The following FAM227B variants were observed in gnomAD, a reference collection of about 807,000 sequenced individuals.
FAM227B encodes protein FAM227B.
Under a neutral mutation model 73.8 loss-of-function variants are expected in FAM227B, and 88 were observed. The observed-to-expected ratio is 1.19, with a 90% CI of 1.00 to 1.42. FAM227B has a LOEUF of 1.42. FAM227B is among the 40% of genes most tolerant of loss of function. FAM227B has a pLI of 0.00. For missense variants in FAM227B, 632 were observed against 590.9 expected, an observed-to-expected ratio of 1.07 and a Z score of -0.72; for synonymous variants, 210 against 190.5, an observed-to-expected ratio of 1.10 and a Z score of -0.84.
rs1317828111 is a variant in FAM227B at position 49,588,609 on chromosome 15, C to G, written c.338-526G>C. On this transcript the variant is annotated intron_variant, in intron 4 of 15. Transcript: ENST00000299338. ...TATATATATATATATATAAAATTACCTTTTTTAAAAAACAGAAGGAAGATA... is the reference window on the plus strand; with the variant it reads ...TATATATATATATATATAAAATTACGTTTTTTAAAAAACAGAAGGAAGATA... 5.0e-5 allele frequency among the ~76,000 whole-genome samples: 4 copies of G among 79,506 alleles called. No homozygotes were observed. The East Asian group carries it at 1.2e-3, about 24-fold the overall frequency. 52.2% of individuals were successfully genotyped at this position (79,506 alleles called of 152,430 possible).
chr15:49,356,902 A>C (rs910998294), intron 13 of FAM227B, among the ~76,000 whole-genome samples: 1 of 142,420 alleles, frequency 7.0e-6, no homozygotes, highest in Non-Finnish European at 1.5e-5. Context: ...CCACAGTGCA[A>C]TCAAACTAGA....
intron 11 of FAM227B, among the ~76,000 whole-genome samples, chr15:49,505,727 G>A (rs1334263050): frequency 1.3e-5 from 2 of 151,702 alleles, no homozygotes; most frequent in East Asian, 3.8e-4. Context: ...AGAAGACAGG[G>A]AAAACAAAGA....
At chr15:49,547,450 G>T (rs2072092741) in intron 9 of FAM227B, among the ~76,000 whole-genome samples, 1 of 152,040 alleles carries the variant, frequency 6.6e-6, no homozygotes, top group South Asian at 2.1e-4. Flanking sequence ...AAATGTAAAT[G>T]GGCTAAATGC....
intron 11 of FAM227B, among the ~76,000 whole-genome samples, chr15:49,469,368 AC>A (rs1191039398): frequency 2.6e-5 from 4 of 152,112 alleles, no homozygotes; most frequent in Admixed American, 2.0e-4. Context: ...TTCTATTTCT[AC>A]TTGAAGGATA....
intron 11 of FAM227B, among the ~76,000 whole-genome samples, chr15:49,480,877 G>A (rs1011090165): frequency 6.6e-6 from 1 of 152,130 alleles, no homozygotes; most frequent in Non-Finnish European, 1.5e-5. Flanking sequence ...TGAACTTATT[G>A]TCATGACTGG....
At chr15:49,396,849 A>C (rs1385938977) in intron 11 of FAM227B, among the ~76,000 whole-genome samples, 2 of 152,034 alleles carry the variant, frequency 1.3e-5, no homozygotes, top group South Asian at 2.1e-4. Flanking sequence ...CCATCTGTAC[A>C]TCACCATTAT....
At chr15:49,383,912 C>T (rs935218043) in intron 11 of FAM227B, among the ~76,000 whole-genome samples, 8 of 152,066 alleles carry the variant, frequency 5.3e-5, no homozygotes, top group East Asian at 1.9e-4. Flanking sequence ...CATTCTCCCC[C>T]CAAATACAGG....
chr15:49,526,463 C>T (rs1396673781), intron 10 of FAM227B, among the ~76,000 whole-genome samples: 1 of 151,992 alleles, frequency 6.6e-6, no homozygotes, highest in African/African-American at 2.4e-5. Flanking sequence ...CTCAAATTAA[C>T]AACCTAACAT....
At chr15:49,351,895 T>C (rs1397286169) in intron 13 of FAM227B, among the ~76,000 whole-genome samples, 1 of 152,220 alleles carries the variant, frequency 6.6e-6, no homozygotes, top group African/African-American at 2.4e-5. Context: ...TGTCTATTGC[T>C]ATATAACAAA....
At chr15:49,601,282 G>A (rs1362921240) in intron 3 of FAM227B, among the ~76,000 whole-genome samples, 2 of 150,718 alleles carry the variant, frequency 1.3e-5, no homozygotes, top group Non-Finnish European at 3.0e-5. Context: ...TTTATCTCTT[G>A]TGTATGTACA....
chr15:49,512,547 G>A lies in FAM227B; in HGVS notation c.875-4199C>T, dbSNP rs550490218. Among the ~76,000 whole-genome samples the A allele has an allele frequency of 5.3e-5, 8 of 152,082 alleles. No homozygotes were observed. In the East Asian group the frequency reaches 5.8e-4, roughly 11 times the overall value. ...GTTCTTAGATTCATACGAATTCTTCGATAAGGTGCCTATTCAAATATTTAT... is the reference window on the plus strand; with the variant it reads ...GTTCTTAGATTCATACGAATTCTTCAATAAGGTGCCTATTCAAATATTTAT... On this transcript the variant is annotated intron_variant, in intron 10 of 15. Coordinates refer to ENST00000299338, the MANE Select transcript of FAM227B (RefSeq NM_152647.3).
intron 9 of FAM227B, among the ~76,000 whole-genome samples, chr15:49,557,146 T>A (rs1007132784): frequency 4.6e-5 from 7 of 152,314 alleles, no homozygotes; most frequent in African/African-American, 1.7e-4. Flanking sequence ...AGTGCACAAG[T>A]CTTCCCAGTG....
chr15:49,373,861 A>G (rs1277006402), intron 11 of FAM227B, among the ~76,000 whole-genome samples: 1 of 152,180 alleles, frequency 6.6e-6, no homozygotes, highest in Non-Finnish European at 1.5e-5. Flanking sequence ...AAACAGAAAA[A>G]GTATTGCTGA....
intron 11 of FAM227B, among the ~76,000 whole-genome samples, chr15:49,467,630 T>C (rs1363975961): frequency 6.6e-6 from 1 of 152,132 alleles, no homozygotes; most frequent in African/African-American, 2.4e-5. Flanking sequence ...CCACACCTAT[T>C]CTGATAATTT....
intron 10 of FAM227B, among the ~76,000 whole-genome samples, chr15:49,522,848 A>G (rs1407112299): frequency 6.6e-6 from 1 of 152,214 alleles, no homozygotes; most frequent in Non-Finnish European, 1.5e-5. Context: ...AGAAAAAGGA[A>G]TTTGAAAACA....
chr15:49,407,820 G>A (rs951378869), intron 11 of FAM227B, among the ~76,000 whole-genome samples: 1 of 151,792 alleles, frequency 6.6e-6, no homozygotes, highest in Non-Finnish European at 1.5e-5. Flanking sequence ...CATCACCCAA[G>A]TAATCCTTTC....
chr15:49,607,904 T>G (rs1366833459), intron 3 of FAM227B, among the ~76,000 whole-genome samples: 1 of 152,178 alleles, frequency 6.6e-6, no homozygotes, highest in African/African-American at 2.4e-5. Flanking sequence ...CTTTCCTTCC[T>G]TATTCCTTTA....
At chr15:49,583,147 T>G (rs2075918059) in intron 5 of FAM227B, among the ~76,000 whole-genome samples, 1 of 144,976 alleles carries the variant, frequency 6.9e-6, no homozygotes. Flanking sequence ...TGAAGGAGAC[T>G]GAGACACAAA....
At chr15:49,370,442 T>C (rs1357392621) in intron 12 of FAM227B, among the ~76,000 whole-genome samples, 1 of 152,204 alleles carries the variant, frequency 6.6e-6, no homozygotes, top group Non-Finnish European at 1.5e-5. Flanking sequence ...GGAGTGACAT[T>C]GTCATTGATT....
Sources: gnomAD v4.1 joint callset for allele counts (sites outside exome capture counted in the v4.1 genomes callset) on GRCh38, gnomAD v4.1.1 for gene constraint, MANE v1.5 for transcripts, NCBI Gene and HGNC (gene_info 2026-07-23, HGNC 2026-07-21) for gene names.